Variants in OXCT1 observed in about 807,000 individuals in gnomAD.
The protein encoded by OXCT1 is succinyl-CoA:3-ketoacid coenzyme A transferase 1, mitochondrial.
A neutral mutation model predicts 69.6 loss-of-function variants in OXCT1; 27 were observed. That is an observed-to-expected ratio of 0.39 (90% CI 0.29 to 0.54). The LOEUF is 0.54. Ranked by LOEUF, OXCT1 falls within the 20% of genes least tolerant of loss-of-function variation. OXCT1 has a pLI of 0.72. For missense variants in OXCT1, 437 were observed against 650.2 expected (o/e 0.67, Z 3.57); for synonymous variants, 202 against 217.8 (o/e 0.93, Z 0.64).
At chr5:41,788,271 A>G (rs1466928154) in intron 13 of OXCT1, among the ~76,000 whole-genome samples, 1 of 152,144 alleles carries the variant, frequency 6.6e-6, no homozygotes, top group African/African-American at 2.4e-5. Flanking sequence ...AATACTCAAA[A>G]AATACGTAAT....
intron 7 of OXCT1, among the ~76,000 whole-genome samples, chr5:41,818,602 A>C (rs2112321736): frequency 6.6e-6 from 1 of 152,344 alleles, no homozygotes; most frequent in Middle Eastern, 3.4e-3. Context: ...TCACAAGAAA[A>C]AAATTTAACA....
intron 7 of OXCT1, among the ~76,000 whole-genome samples, chr5:41,836,250 C>A (rs894581707): frequency 2.0e-5 from 3 of 152,164 alleles, no homozygotes; most frequent in African/African-American, 7.2e-5. Context: ...ACTGTCTGGA[C>A]TGAAAAGAGA....
chr5:41,845,533 T>C (rs1437889475), intron 5 of OXCT1, among the ~76,000 whole-genome samples: 1 of 151,802 alleles, frequency 6.6e-6, no homozygotes, highest in Non-Finnish European at 1.5e-5. Flanking sequence ...ATAACACTAA[T>C]TTAGAAATGA....
intron 11 of OXCT1, among the ~76,000 whole-genome samples, chr5:41,797,313 T>C (rs1746227474): frequency 6.6e-6 from 1 of 152,234 alleles, no homozygotes; most frequent in African/African-American, 2.4e-5. Flanking sequence ...AACAACTCTC[T>C]TGAAAAATCA....
chr5:41,823,284 C>G (rs986544934), intron 7 of OXCT1, among the ~76,000 whole-genome samples: 1 of 152,140 alleles, frequency 6.6e-6, no homozygotes, highest in African/African-American at 2.4e-5. Flanking sequence ...ACTTTTCCCC[C>G]CTCCCCTTGC....
intron 14 of OXCT1, among the ~76,000 whole-genome samples, chr5:41,752,689 G>A (rs1354527109): frequency 2.0e-5 from 3 of 152,100 alleles, no homozygotes; most frequent in African/African-American, 4.8e-5. Flanking sequence ...GGAGGTTGTA[G>A]TAAGCTATGC....
At chr5:41,859,869 A>ATATATATATAT (rs1561135498) in intron 3 of OXCT1, among the ~76,000 whole-genome samples, 4 of 115,666 alleles carry the variant, frequency 3.5e-5, no homozygotes, top group African/African-American at 1.2e-4. Flanking sequence ...ATAGTAATAT[A>ATATATATATAT]TATATATATA....
chr5:41,758,020 C>T (rs1204650652), intron 14 of OXCT1, among the ~76,000 whole-genome samples: 1 of 152,022 alleles, frequency 6.6e-6, no homozygotes, highest in Non-Finnish European at 1.5e-5. Flanking sequence ...TAGGGGCAGT[C>T]AGCAGTCAGG....
chr5:41,803,491 A>C (rs1746518857), intron 9 of OXCT1, among the ~76,000 whole-genome samples: 1 of 152,120 alleles, frequency 6.6e-6, no homozygotes, highest in Admixed American at 6.6e-5. Flanking sequence ...CTGATTTATT[A>C]AACACAGCTT....
chr5:41,762,235 C>G lies in OXCT1; in HGVS notation c.1249-35G>C, dbSNP rs767156269. 6.7e-7 allele frequency: 1 copy of G among 1,487,476 alleles called. No individual in the cohort carries two copies. Among genetic ancestry groups the G allele is most frequent in the East Asian group, 2.3e-5 (1 of 44,240 alleles). 92.1% of individuals were successfully genotyped at this position (1,487,476 alleles called of 1,614,324 possible). On this transcript the variant is annotated intron_variant, in intron 13 of 16. Coordinates refer to ENST00000196371, the MANE Select transcript of OXCT1 (RefSeq NM_000436.4). The surrounding 1 kb of genome is among the most constrained non-coding windows in gnomAD (Gnocchi z 4.0). ...AAAAAATAAATAGCTCTGTATCTTT[C>G]ACTTCTTTTGTATGTGACAGAACAA...
At chr5:41,848,683 A>C (rs1277193894) in intron 5 of OXCT1, among the ~76,000 whole-genome samples, 1 of 151,782 alleles carries the variant, frequency 6.6e-6, no homozygotes, top group Non-Finnish European at 1.5e-5. Flanking sequence ...AGCAATGGGG[A>C]AAGGATTCCC....
intron 16 of OXCT1, among the ~76,000 whole-genome samples, chr5:41,735,386 C>T (rs1338806081): frequency 6.6e-6 from 1 of 152,134 alleles, no homozygotes; most frequent in Non-Finnish European, 1.5e-5. Context: ...TATGAGGTAT[C>T]TAGAATAGTC....
intron 4 of OXCT1, 81 bp downstream of exon 4, chr5:41,853,338 T>C: frequency 7.4e-7 from 1 of 1,347,600 alleles, no homozygotes; most frequent in East Asian, 2.3e-5. Flanking sequence ...CCTTACCTCT[T>C]TTGCACAAAG....
intron 11 of OXCT1, among the ~76,000 whole-genome samples, chr5:41,795,015 C>T (rs144963931): frequency 2.0e-3 from 312 of 152,350 alleles, no homozygotes; most frequent in Non-Finnish European, 3.2e-3. Flanking sequence ...TCTACAGCAG[C>T]AGTCCCCTTT....
chr5:41,734,818 C>A (rs994818843), intron 16 of OXCT1, among the ~76,000 whole-genome samples: 12 of 152,166 alleles, frequency 7.9e-5, no homozygotes, highest in Non-Finnish European at 1.5e-4. Context: ...ATTCAAAAAT[C>A]ATCTGATAAG....
chr5:41,748,606 A>C (rs936403771), intron 15 of OXCT1, among the ~76,000 whole-genome samples: 8 of 151,992 alleles, frequency 5.3e-5, no homozygotes, highest in Admixed American at 1.3e-4. Context: ...CCACATAAGT[A>C]GTCCTGGGGA....
intron 7 of OXCT1, among the ~76,000 whole-genome samples, chr5:41,815,827 G>A (rs1163238095): frequency 6.6e-6 from 1 of 152,156 alleles, no homozygotes; most frequent in Admixed American, 6.6e-5. Context: ...AACAGGAAGA[G>A]AAAAAGTTCG....
intron 5 of OXCT1, chr5:41,843,530 T>C (rs1237786432): frequency 2.0e-5 from 9 of 456,058 alleles, no homozygotes; most frequent in South Asian, 1.1e-4. Flanking sequence ...CTTTTAATTA[T>C]ACTACCAATT....
intron 12 of OXCT1, 38 bp from the exon 13 acceptor site, chr5:41,794,116 A>G (rs1292271876): frequency 6.7e-7 from 1 of 1,489,154 alleles, no homozygotes; most frequent in Non-Finnish European, 9.4e-7. Flanking sequence ...GAACCTCATA[A>G]GCTTTTGTCC....
Sources: allele counts gnomAD v4.1 joint callset (sites outside exome capture counted in the v4.1 genomes callset), GRCh38; gene constraint gnomAD v4.1.1; non-coding constraint Gnocchi (gnomAD v3.1); transcripts MANE v1.5; gene names NCBI Gene and HGNC (gene_info 2026-07-23, HGNC 2026-07-21).